DPF3: variants seen among roughly 807,000 people sequenced by gnomAD.
DPF3 encodes zinc finger protein DPF3.
In DPF3, 18 loss-of-function variants were observed where a neutral mutation model predicts 56.8. The ratio of observed to expected loss-of-function variants is 0.32; its 90% CI spans 0.22 to 0.47. The LOEUF (loss-of-function observed/expected upper bound fraction) is 0.47, where lower values mean the gene tolerates loss of function less well. Ranked by LOEUF, DPF3 falls within the 20% of genes least tolerant of loss-of-function variation. The pLI, the probability that DPF3 is intolerant of heterozygous loss-of-function variation, is 1.00. For missense variants in DPF3, 403 were observed against 488.8 expected (o/e 0.82, Z 1.65); for synonymous variants, 188 against 180.2 (o/e 1.04, Z -0.35).
intron 1 of DPF3, among the ~76,000 whole-genome samples, chr14:72,839,496 C>T (rs1331133003): frequency 6.6e-6 from 1 of 152,096 alleles, no homozygotes; most frequent in Non-Finnish European, 1.5e-5. Flanking sequence ...GAAGTGAGAT[C>T]CACGTGAAAG....
At position 72,612,013 on chromosome 14, in the gene DPF3, A is replaced by G. The variant is rs1426027208; in HGVS notation, c.*7284T>C. 6.6e-6 allele frequency among the ~76,000 whole-genome samples: 1 copy of G among 152,204 alleles called. No homozygotes were observed. Among genetic ancestry groups the G allele is most frequent in the Non-Finnish European group, 1.5e-5 (1 of 68,040 alleles). On this transcript the variant is annotated 3_prime_UTR_variant, in exon 11 of 11. Coordinates refer to ENST00000556509, the MANE Select transcript of DPF3 (RefSeq NM_001280542.3). ...ATGCGGTTTATTTTCCAGCCCCTAC[A>G]GGACCTAGAGCATTGCCTCGCACAC...
chr14:72,715,196 A>G (rs994077906), intron 5 of DPF3, among the ~76,000 whole-genome samples: 1 of 152,090 alleles, frequency 6.6e-6, no homozygotes, highest in African/African-American at 2.4e-5. Flanking sequence ...CTTGACCCCC[A>G]TGGTCTCCTG....
intron 8 of DPF3, among the ~76,000 whole-genome samples, chr14:72,663,179 A>AATAAAAAAAT (rs1886296613): frequency 6.6e-6 from 1 of 151,756 alleles, no homozygotes. Flanking sequence ...AAAAAAAAAA[A>AATAAAAAAAT]AAAAATTCCC....
At chr14:72,808,494 T>C (rs926043193) in intron 1 of DPF3, among the ~76,000 whole-genome samples, 1 of 152,240 alleles carries the variant, frequency 6.6e-6, no homozygotes, top group Non-Finnish European at 1.5e-5. Context: ...AAGAAGGTTC[T>C]AGTAACTACC....
intron 8 of DPF3, among the ~76,000 whole-genome samples, chr14:72,631,533 C>T (rs893959533): frequency 3.5e-4 from 53 of 152,300 alleles, no homozygotes; most frequent in African/African-American, 1.2e-3. Context: ...CCAGGCACCA[C>T]TGAGAGCATG....
rs1253028680 is a variant in DPF3, at chr14:72,674,347, G to C, written c.764C>G (p.Thr255Arg). 4.3e-6 allele frequency: 7 copies of C among 1,612,736 alleles called. No individual in the cohort carries two copies. The African/African-American group carries it at 6.7e-5, about 15-fold the overall frequency. The change falls in exon 8 of 11, where the codon ACA (threonine) becomes AGA (arginine). Residue 255 changes from threonine (T) to arginine (R), a missense_variant. Around this residue, in one of 2 missense-constraint regions of DPF3, gnomAD observed 340 missense variants for 374.3 expected, o/e 0.91. Transcript: ENST00000556509. Reference protein sequence around the residue: ...NHRPQKGPDGTVIPNNYCDFC... With the variant: ...NHRPQKGPDGRVIPNNYCDFC... ...GTCACAGTAGTTATTGGGAATGACT[G>C]TTCCATCCGGTCCTTTCTGGGCTGT... is the stretch of plus-strand genomic sequence containing the variant.
At chr14:72,619,574 A>G (rs933344091) in intron 10 of DPF3, among the ~76,000 whole-genome samples, 2 of 152,138 alleles carry the variant, frequency 1.3e-5, no homozygotes, top group African/African-American at 4.8e-5. Flanking sequence ...CAAGACCCTC[A>G]CTACTAGCGT....
intron 1 of DPF3, among the ~76,000 whole-genome samples, chr14:72,790,542 G>T (rs1337898872): frequency 6.6e-6 from 1 of 152,112 alleles, no homozygotes; most frequent in African/African-American, 2.4e-5. Flanking sequence ...TTGCTGAGTA[G>T]GTTAGGATTT....
chr14:72,889,137 A>G (rs760585926), intron 1 of DPF3, among the ~76,000 whole-genome samples: 12 of 152,178 alleles, frequency 7.9e-5, no homozygotes, highest in Non-Finnish European at 1.5e-4. Context: ...TCTCCAACTC[A>G]GCTGTCTCTG....
intron 3 of DPF3, among the ~76,000 whole-genome samples, chr14:72,748,632 G>A (rs1304511636): frequency 6.6e-6 from 1 of 152,200 alleles, no homozygotes; most frequent in Non-Finnish European, 1.5e-5. Context: ...AGGCCTGGAG[G>A]TTTAGGAGAA....
At chr14:72,770,228 A>G (rs116473272) in intron 2 of DPF3, among the ~76,000 whole-genome samples, 5 of 152,336 alleles carry the variant, frequency 3.3e-5, no homozygotes, top group South Asian at 2.1e-4. Flanking sequence ...CTAACTACCA[A>G]TTCACAGTAA....
chr14:72,696,625 C>T (rs181356556), intron 6 of DPF3, among the ~76,000 whole-genome samples: 1 of 152,346 alleles, frequency 6.6e-6, no homozygotes, highest in Admixed American at 6.5e-5. Context: ...ATCCTTCTAC[C>T]CACATTAAGC....
In DPF3 at chr14:72,704,558, A is replaced by G. The variant is rs1171525220; in HGVS notation, c.604+9865T>C. Among the ~76,000 whole-genome samples, 6 of 152,220 alleles carry G rather than the reference A, an allele frequency of 3.9e-5. No homozygotes were observed. The East Asian group carries it at 1.2e-3, about 29-fold the overall frequency. On this transcript the variant is annotated intron_variant, in intron 6 of 10. Transcript: ENST00000556509. ...CTGAGGTAGGCCTTCTTCCACCTAC[A>G]ATGTCAGTGTAAGCTCCTCAGTGCC...
At chr14:72,810,194 C>T (rs1263794516) in intron 1 of DPF3, among the ~76,000 whole-genome samples, 3 of 152,184 alleles carry the variant, frequency 2.0e-5, no homozygotes, top group South Asian at 2.1e-4. Context: ...GAGACACCTC[C>T]GTGCCCTCCC....
intron 1 of DPF3, among the ~76,000 whole-genome samples, chr14:72,825,610 C>A (rs1209470816): frequency 6.6e-6 from 1 of 152,120 alleles, no homozygotes; most frequent in Non-Finnish European, 1.5e-5. Context: ...TGTTTCTGTC[C>A]AGATGGAAAG....
intron 1 of DPF3, among the ~76,000 whole-genome samples, chr14:72,888,118 G>T (rs189481179): frequency 2.0e-5 from 3 of 152,026 alleles, no homozygotes; most frequent in Admixed American, 6.6e-5. Flanking sequence ...GACTCAATGC[G>T]GGCTATTTGA....
intron 7 of DPF3, among the ~76,000 whole-genome samples, chr14:72,684,887 A>G (rs537764034): frequency 6.6e-6 from 1 of 152,264 alleles, no homozygotes; most frequent in African/African-American, 2.4e-5. Flanking sequence ...GGTCCTCGTA[A>G]TGAAATTAGT....
intron 1 of DPF3, chr14:72,880,072 T>C (rs1886269979): frequency 3.7e-6 from 4 of 1,069,466 alleles, no homozygotes; most frequent in South Asian, 4.4e-5. Context: ...GTAACAGACA[T>C]AGTAAGTTTT....
chr14:72,852,171 G>A (rs1355839036), intron 1 of DPF3, among the ~76,000 whole-genome samples: 3 of 152,174 alleles, frequency 2.0e-5, no homozygotes, highest in African/African-American at 4.8e-5. Context: ...TGCAGAAGCC[G>A]GGCAGGGAGA....
Sources: gnomAD v4.1 joint callset for allele counts (sites outside exome capture counted in the v4.1 genomes callset) on GRCh38, gnomAD v4.1.1 for gene constraint, gnomAD v4.1.1 regional missense constraint, MANE v1.5 for transcripts, NCBI Gene and HGNC (gene_info 2026-07-23, HGNC 2026-07-21) for gene names.